Variants in PCSK2 observed in about 807,000 individuals in gnomAD.
PCSK2 encodes the protein proprotein convertase subtilisin/kexin type 2.
A neutral mutation model predicts 69.7 loss-of-function variants in PCSK2; 14 were observed. The observed-to-expected ratio is 0.20, with a 90% confidence interval of 0.13 to 0.31. The LOEUF (loss-of-function observed/expected upper bound fraction) is 0.31, where lower values mean the gene tolerates loss of function less well. Among genes scored for constraint, PCSK2 ranks in the 10% least tolerant of loss-of-function variants. The pLI, the probability that PCSK2 is intolerant of heterozygous loss-of-function variation, is 1.00. For missense variants in PCSK2, 544 were observed against 842.5 expected (o/e 0.65, Z 4.39); for synonymous variants, 307 against 320.7 (o/e 0.96, Z 0.46).
chr20:17,304,068 A>G (rs1989250416), intron 2 of PCSK2, among the ~76,000 whole-genome samples: 1 of 151,742 alleles, frequency 6.6e-6, no homozygotes, highest in South Asian at 2.1e-4. Flanking sequence ...GTCTTTTGGG[A>G]AAGTTACTTC....
chr20:17,283,175 G>C (rs114492802), intron 2 of PCSK2, among the ~76,000 whole-genome samples: 1,589 of 152,160 alleles, frequency 0.01, 22 homozygotes, highest in African/African-American at 0.035. Flanking sequence ...TGGAGAGATA[G>C]GTGGATACAC....
At chr20:17,449,024 C>T (rs1004275436) in intron 8 of PCSK2, among the ~76,000 whole-genome samples, 33 of 152,202 alleles carry the variant, frequency 2.2e-4, no homozygotes, top group South Asian at 2.1e-4. Context: ...TGCCTCACCA[C>T]GCCAAGCTAA....
intron 8 of PCSK2, among the ~76,000 whole-genome samples, chr20:17,452,570 C>G (rs2032847258): frequency 6.6e-6 from 1 of 152,228 alleles, no homozygotes; most frequent in Non-Finnish European, 1.5e-5. Context: ...CCATGGACAC[C>G]TGGTGACCAC....
chr20:17,379,160 G>T (rs990511165), intron 5 of PCSK2, among the ~76,000 whole-genome samples: 1 of 152,206 alleles, frequency 6.6e-6, no homozygotes, highest in Non-Finnish European at 1.5e-5. Flanking sequence ...GGGTGTCTAA[G>T]GCAGGCCTGA....
chr20:17,243,469 G>T lies in PCSK2; in HGVS notation c.177+15987G>T, dbSNP rs375873535. 4.1e-3 allele frequency among the ~76,000 whole-genome samples: 623 copies of T among 152,314 alleles called. 1 individual carries two copies. Among genetic ancestry groups the T allele is most frequent in the African/African-American group, 0.014 (582 of 41,568 alleles). ...CCTGTCTCAGCCTCCCAAAGTGCTGGAATTACAGGCCACCATACCTGGCCT... is the reference window on the plus strand; with the variant it reads ...CCTGTCTCAGCCTCCCAAAGTGCTGTAATTACAGGCCACCATACCTGGCCT... On this transcript the variant is annotated intron_variant, in intron 1 of 11. Coordinates refer to ENST00000262545, the MANE Select transcript of PCSK2 (RefSeq NM_002594.5).
chr20:17,346,354 T>C (rs772584425), intron 2 of PCSK2, among the ~76,000 whole-genome samples: 6 of 152,188 alleles, frequency 3.9e-5, no homozygotes, highest in Admixed American at 2.0e-4. Context: ...GTGGGGACAC[T>C]GACTGTTCAC....
intron 4 of PCSK2, 90 bp downstream of exon 4, chr20:17,360,730 C>A: frequency 1.3e-6 from 1 of 748,446 alleles, no homozygotes; most frequent in Non-Finnish European, 2.3e-6. Context: ...GAGATGCTAA[C>A]CAGAGATGGA....
rs145929870 is a variant in PCSK2 at position 17,278,235 on chromosome 20, A to G, written c.282+17891A>G. 7.7e-3 allele frequency among the ~76,000 whole-genome samples: 1,169 copies of G among 152,340 alleles called. 35 individuals are homozygous for G. The East Asian group carries it at 0.085, about 11-fold the overall frequency. On this transcript the variant is annotated intron_variant, in intron 2 of 11. Coordinates refer to ENST00000262545, the MANE Select transcript of PCSK2 (RefSeq NM_002594.5). Reference sequence around the variant, plus strand: ...CCATTACTGGGTATATAACCAAAGGACTATAAATCATACTGCTGTAAAGAC... The same window carrying G: ...CCATTACTGGGTATATAACCAAAGGGCTATAAATCATACTGCTGTAAAGAC...
At chr20:17,374,743 C>A (rs544234543) in intron 5 of PCSK2, among the ~76,000 whole-genome samples, 1 of 152,222 alleles carries the variant, frequency 6.6e-6, no homozygotes, top group South Asian at 2.1e-4. Context: ...CCGAGTGGGC[C>A]TCAGAGTTAC....
intron 8 of PCSK2, among the ~76,000 whole-genome samples, chr20:17,450,409 A>G (rs752456769): frequency 3.3e-5 from 5 of 152,160 alleles, no homozygotes; most frequent in Non-Finnish European, 7.4e-5. Flanking sequence ...ATAGGATAAT[A>G]TGTGAAGTAC....
chr20:17,441,369 G>T (rs933200233), intron 8 of PCSK2, among the ~76,000 whole-genome samples: 1 of 152,198 alleles, frequency 6.6e-6, no homozygotes, highest in Non-Finnish European at 1.5e-5. Context: ...GACATCAAAG[G>T]GTAGTTGTCT....
chr20:17,347,106 G>T (rs1990672525), intron 2 of PCSK2, among the ~76,000 whole-genome samples: 1 of 152,120 alleles, frequency 6.6e-6, no homozygotes, highest in African/African-American at 2.4e-5. Context: ...CTTGCAAGAT[G>T]GTCCAACCTC....
intron 5 of PCSK2, among the ~76,000 whole-genome samples, chr20:17,370,934 G>A (rs569999276): frequency 6.6e-6 from 1 of 152,304 alleles, no homozygotes; most frequent in South Asian, 2.1e-4. Context: ...ATGGCCTCCA[G>A]GGTCGGTGGT....
intron 11 of PCSK2, among the ~76,000 whole-genome samples, chr20:17,474,004 T>C (rs1372230304): frequency 1.3e-5 from 2 of 152,136 alleles, no homozygotes; most frequent in African/African-American, 2.4e-5. Flanking sequence ...AAAGAGTTGT[T>C]CTAGTGCTGG....
intron 11 of PCSK2, among the ~76,000 whole-genome samples, chr20:17,474,138 C>G (rs1197869048): frequency 1.3e-5 from 2 of 152,174 alleles, no homozygotes; most frequent in Non-Finnish European, 2.9e-5. Context: ...AGGTCCCCTT[C>G]ACTGGGCTAT....
intron 1 of PCSK2, among the ~76,000 whole-genome samples, chr20:17,228,897 C>T (rs899413059): frequency 3.3e-5 from 5 of 152,174 alleles, no homozygotes; most frequent in Admixed American, 2.6e-4. Context: ...ACTTGTTGCT[C>T]TGGAAAGCGT....
intron 2 of PCSK2, among the ~76,000 whole-genome samples, chr20:17,337,928 CAAA>C (rs3076245): frequency 7.7e-6 from 1 of 129,870 alleles, no homozygotes. Context: ...AAACCCATCT[CAAA>C]AAAAAAAAAA....
chr20:17,251,910 A>G (rs1417623486), intron 1 of PCSK2, among the ~76,000 whole-genome samples: 1 of 152,190 alleles, frequency 6.6e-6, no homozygotes, highest in Non-Finnish European at 1.5e-5. Context: ...TTAACACCAT[A>G]AATGGGATGA....
intron 7 of PCSK2, among the ~76,000 whole-genome samples, chr20:17,432,828 C>A (rs570208280): frequency 6.6e-6 from 1 of 152,372 alleles, no homozygotes; most frequent in Non-Finnish European, 1.5e-5. Context: ...TGGGCACCTT[C>A]CTGTTGCAGG....
Sources: allele counts gnomAD v4.1 joint callset (sites outside exome capture counted in the v4.1 genomes callset), GRCh38; gene constraint gnomAD v4.1.1; transcripts MANE v1.5; gene names NCBI Gene and HGNC (gene_info 2026-07-23, HGNC 2026-07-21).